The following KSR1 variants were observed in gnomAD, a reference collection of about 807,000 sequenced individuals.
The protein encoded by KSR1 is kinase suppressor of ras 1.
A neutral mutation model predicts 92.9 loss-of-function variants in KSR1; 35 were observed. The ratio of observed to expected loss-of-function variants is 0.38; its 90% CI spans 0.29 to 0.50. KSR1 has a LOEUF of 0.50. Ranked by LOEUF, KSR1 falls within the 20% of genes least tolerant of loss-of-function variation. KSR1 has a pLI of 0.94. For synonymous variants in KSR1, 467 were observed against 472.6 expected (o/e 0.99, Z 0.15); for missense variants, 972 against 1,158.5 (o/e 0.84, Z 2.34).
At position 27,557,353 on chromosome 17, in the gene KSR1, C is replaced by T. The variant is rs540743719; in HGVS notation, c.372+6645C>T. 4.9e-4 allele frequency among the ~76,000 whole-genome samples: 75 copies of T among 152,318 alleles called. 1 individual carries two copies. Among genetic ancestry groups the T allele is most frequent in the Non-Finnish European group, 7.9e-4 (54 of 68,022 alleles). On this transcript the variant is annotated intron_variant, in intron 2 of 20. Coordinates refer to ENST00000644974, the MANE Select transcript of KSR1 (RefSeq NM_001394583.1). ...ATCAGGAGGAGTCCTGGGGGGATAG[C>T]GGAGGCCAGAAAGTCATGGCATCTG...
chr17:27,605,869 G>C (rs1280319770), intron 14 of KSR1, 56 bp downstream of exon 14: 1 of 1,598,076 alleles, frequency 6.3e-7, no homozygotes, highest in Non-Finnish European at 8.5e-7. Context: ...CCCCTTCCCA[G>C]GGAGCCCTGT....
intron 9 of KSR1, among the ~76,000 whole-genome samples, chr17:27,593,703 A>G (rs2073245702): frequency 6.6e-6 from 1 of 152,216 alleles, no homozygotes; most frequent in South Asian, 2.1e-4. Flanking sequence ...CTCACCCAGA[A>G]TGGGGAGGCA....
At position 27,456,791 on chromosome 17, in the gene KSR1, A is replaced by G; in HGVS notation, c.148A>G (p.Ile50Val). The change falls in exon 1 of 21, where the codon ATC (isoleucine) becomes GTC (valine). Residue 50 changes from isoleucine (I) to valine (V), a missense_variant. Coordinates refer to ENST00000644974, the MANE Select transcript of KSR1 (RefSeq NM_001394583.1). Reference sequence around the variant, plus strand: ...CGGGCAGCTCCAGAAGCTCATCGACATCTCCATCGGCAGCCTGCGCGGGCT... The same window carrying G: ...CGGGCAGCTCCAGAAGCTCATCGACGTCTCCATCGGCAGCCTGCGCGGGCT... ...QCGQLQKLID[I>V]SIGSLRGLRT... 6.4e-7 allele frequency: 1 copy of G among 1,567,112 alleles called. No individual in the cohort carries two copies. The highest frequency in any genetic ancestry group is 8.7e-7 in the Non-Finnish European group (1 of 1,153,254).
chr17:27,541,300 T>C (rs2070953812), intron 1 of KSR1, among the ~76,000 whole-genome samples: 1 of 152,208 alleles, frequency 6.6e-6, no homozygotes, highest in Admixed American at 6.5e-5. Context: ...GGCTGTCCAG[T>C]TACTTCGTGT....
intron 1 of KSR1, among the ~76,000 whole-genome samples, chr17:27,502,064 G>A (rs2069209971): frequency 6.6e-6 from 1 of 152,216 alleles, no homozygotes; most frequent in East Asian, 1.9e-4. Flanking sequence ...TCCTTGATTG[G>A]TACCTTAGCC....
chr17:27,591,525 A>G (rs1332057670), intron 7 of KSR1, among the ~76,000 whole-genome samples: 1 of 152,150 alleles, frequency 6.6e-6, no homozygotes, highest in African/African-American at 2.4e-5. Context: ...TAATGTATAC[A>G]TCAACCATGG....
In KSR1 at chr17:27,611,441, T is replaced by G. The variant is rs114855090; in HGVS notation, c.2358-53T>G. 8.8e-4 allele frequency: 1,425 copies of G among 1,611,590 alleles called. 7 individuals carry two copies. The African/African-American group carries it at 0.015, about 17-fold the overall frequency. Reference sequence around the variant, plus strand: ...GGCTATGGCTCAAGGGCCCCTGGGCTTGAGCTGGGCACAGCGGCCCAGGAG... The same window carrying G: ...GGCTATGGCTCAAGGGCCCCTGGGCGTGAGCTGGGCACAGCGGCCCAGGAG... On this transcript the variant is annotated intron_variant, in intron 17 of 20. Coordinates refer to ENST00000644974, the MANE Select transcript of KSR1 (RefSeq NM_001394583.1).
At chr17:27,481,579 G>C (rs1158355305) in intron 1 of KSR1, among the ~76,000 whole-genome samples, 1 of 152,160 alleles carries the variant, frequency 6.6e-6, no homozygotes, top group Non-Finnish European at 1.5e-5. Context: ...GGAGCCACCA[G>C]CCTTCCTGCT....
chr17:27,472,085 G>T (rs1368213324), intron 1 of KSR1: 3 of 152,264 alleles, frequency 2.0e-5, no homozygotes, highest in Admixed American at 6.5e-5. Flanking sequence ...TACTAGGTAT[G>T]AGTGTCTAGG....
intron 1 of KSR1, among the ~76,000 whole-genome samples, chr17:27,488,880 C>T (rs925481939): frequency 1.3e-5 from 2 of 152,222 alleles, no homozygotes; most frequent in African/African-American, 4.8e-5. Context: ...AAGAGAATTG[C>T]TTGAACCCGG....
chr17:27,599,112 C>T (rs958378336), intron 10 of KSR1, among the ~76,000 whole-genome samples: 4 of 152,240 alleles, frequency 2.6e-5, no homozygotes, highest in African/African-American at 9.6e-5. Flanking sequence ...CCACACGCCT[C>T]GGCTGTGTGG....
At chr17:27,545,526 G>GA (rs2071138616) in intron 1 of KSR1, among the ~76,000 whole-genome samples, 1 of 152,168 alleles carries the variant, frequency 6.6e-6, no homozygotes, top group Non-Finnish European at 1.5e-5. Context: ...TCTCTATTAT[G>GA]AAAAAAGAGA....
rs1366071625 is a variant in KSR1, at chr17:27,577,169, AGTT to A, written c.373-319_373-317del. Among the ~76,000 whole-genome samples the A allele has an allele frequency of 6.6e-6, 1 of 152,188 alleles. No individual in the cohort carries two copies. The highest frequency in any genetic ancestry group is 1.5e-5 in the Non-Finnish European group (1 of 68,036). On this transcript the variant is annotated intron_variant, in intron 2 of 20. Transcript: ENST00000644974. The surrounding 1 kb of genome is among the most constrained non-coding windows in gnomAD (Gnocchi z 4.5). Reference sequence around the variant, plus strand: ...GTCTGAAGTACTCGTCATTCTAAAAAGTTGTTATGACTCGCTGTTTTTTTTCTG... The same window carrying A: ...GTCTGAAGTACTCGTCATTCTAAAAAGTTATGACTCGCTGTTTTTTTTCTG...
chr17:27,594,192 T>C (rs1038619342), intron 9 of KSR1, among the ~76,000 whole-genome samples: 1 of 152,234 alleles, frequency 6.6e-6, no homozygotes, highest in South Asian at 2.1e-4. Context: ...TAAATTGGGG[T>C]TACTAATGCT....
intron 9 of KSR1, among the ~76,000 whole-genome samples, chr17:27,595,951 G>A (rs2151203605): frequency 6.6e-6 from 1 of 152,328 alleles, no homozygotes; most frequent in East Asian, 1.9e-4. Flanking sequence ...GAGCTCTGCA[G>A]TGGGGCCATG....
At chr17:27,514,874 C>T (rs956606340) in intron 1 of KSR1, among the ~76,000 whole-genome samples, 5 of 152,158 alleles carry the variant, frequency 3.3e-5, no homozygotes, top group African/African-American at 1.2e-4. Context: ...AGGAAGGTGG[C>T]TTTTGTCAAC....
intron 1 of KSR1, among the ~76,000 whole-genome samples, chr17:27,490,281 A>G (rs1279287649): frequency 6.6e-6 from 1 of 152,234 alleles, no homozygotes; most frequent in Non-Finnish European, 1.5e-5. Flanking sequence ...TTTTGTTGAT[A>G]CTTACTGTAA....
At chr17:27,608,990 G>A (rs1439773714) in intron 15 of KSR1, among the ~76,000 whole-genome samples, 1 of 152,238 alleles carries the variant, frequency 6.6e-6, no homozygotes, top group East Asian at 1.9e-4. Flanking sequence ...TCTGGGATCA[G>A]ATCTCAGCTC....
intron 1 of KSR1, among the ~76,000 whole-genome samples, chr17:27,526,094 T>TTCTTTCTTTCTTTC (rs55706224): frequency 0.023 from 2,701 of 117,982 alleles, 94 homozygotes; most frequent in Non-Finnish European, 0.028. Context: ...CTTTCTTTCT[T>TTCTTTCTTTCTTTC]TCTCTCTCTC....
Sources: allele counts gnomAD v4.1 joint callset (sites outside exome capture counted in the v4.1 genomes callset), GRCh38; gene constraint gnomAD v4.1.1; non-coding constraint Gnocchi (gnomAD v3.1); transcripts MANE v1.5; gene names NCBI Gene and HGNC (gene_info 2026-07-23, HGNC 2026-07-21).